The following PPIL3 variants were observed in gnomAD, a reference collection of about 807,000 sequenced individuals.
PPIL3 encodes the protein peptidyl-prolyl cis-trans isomerase-like 3.
Under a neutral mutation model 20.9 loss-of-function variants are expected in PPIL3, and 13 were observed. The observed-to-expected ratio is 0.62, with a 90% CI of 0.40 to 0.99. The LOEUF (loss-of-function observed/expected upper bound fraction) is 0.99, where lower values mean the gene tolerates loss of function less well. Among genes scored for constraint, PPIL3 ranks in the 50% least tolerant of loss-of-function variants. The probability of loss-of-function intolerance (pLI) is 0.00; values close to 1 mark genes in which losing one functional copy is unlikely to be tolerated. For synonymous variants in PPIL3, 71 were observed against 64.4 expected (o/e 1.10, Z -0.49); for missense variants, 170 against 195.2 (o/e 0.87, Z 0.77).
chr2:200,882,386 T>A lies in PPIL3; in HGVS notation c.128A>T (p.His43Leu). 1 of 1,608,668 alleles carries A rather than the reference T, an allele frequency of 6.2e-7. No homozygotes were observed. The highest frequency in any genetic ancestry group is 1.7e-5 in the Admixed American group (1 of 60,000). The change falls in exon 4 of 7, where the codon CAT becomes CTT. Residue 43 changes from histidine to leucine, a missense_variant. Transcript: ENST00000392283. ...ASNYYNGCIF[H>L]RNIKGFMVQT... ...AACCATGAAACCCTTGATATTCCTA[T>A]GAAATATACAGCCATTGTAGTAATT... is the stretch of plus-strand genomic sequence containing the variant.
intron 4 of PPIL3, 26 bp downstream of exon 4, chr2:200,882,316 A>G (rs760944040): frequency 7.1e-7 from 1 of 1,399,456 alleles, no homozygotes; most frequent in Non-Finnish European, 1.0e-6. Context: ...TCAGTTCCTT[A>G]GATCTTGGTT....
intron 2 of PPIL3, among the ~76,000 whole-genome samples, chr2:200,886,583 A>AC (rs1375434581): frequency 6.6e-6 from 1 of 151,902 alleles, no homozygotes; most frequent in African/African-American, 2.4e-5. Flanking sequence ...ATGCCACAAC[A>AC]CCCAGATAAT....
chr2:200,881,280 C>T, intron 5 of PPIL3, 141 bp downstream of exon 5: 1 of 644,406 alleles, frequency 1.6e-6, no homozygotes, highest in Non-Finnish European at 2.6e-6. Flanking sequence ...TCCCCGACAT[C>T]ATTTGTCAAA....
Position 200,882,305 on chromosome 2 carries a change from T to C in PPIL3, c.172+37A>G, listed in dbSNP as rs578010262. 523 of 1,303,188 alleles carry C rather than the reference T, an allele frequency of 4.0e-4. 5 individuals carry two copies. The South Asian group carries it at 5.4e-3, about 13-fold the overall frequency. 80.7% of individuals were successfully genotyped at this position (1,303,188 alleles called of 1,614,324 possible). Reference sequence around the variant, plus strand: ...TTTACCCACTTCTTCATACTATACATTCAGTTCCTTAGATCTTGGTTAATG... The same window carrying C: ...TTTACCCACTTCTTCATACTATACACTCAGTTCCTTAGATCTTGGTTAATG... On this transcript the variant is annotated intron_variant, in intron 4 of 6. Transcript: ENST00000392283.
At chr2:200,878,785 T>C (rs1305104922) in intron 5 of PPIL3, among the ~76,000 whole-genome samples, 2 of 152,250 alleles carry the variant, frequency 1.3e-5, no homozygotes, top group Admixed American at 1.3e-4. Context: ...TGGGAAATGC[T>C]TTCTACAAAT....
At chr2:200,881,399 T>A in intron 5 of PPIL3, 22 bp downstream of exon 5, 2 of 1,590,152 alleles carry the variant, frequency 1.3e-6, no homozygotes, top group Non-Finnish European at 1.7e-6. Context: ...AGAAATAGAT[T>A]TTTAAAGCAT....
intron 2 of PPIL3, among the ~76,000 whole-genome samples, chr2:200,886,662 G>C (rs2039947892): frequency 6.6e-6 from 1 of 152,172 alleles, no homozygotes; most frequent in African/African-American, 2.4e-5. Context: ...CTGACCTCAA[G>C]TGATTGGCCC....
At chr2:200,888,054 CAAA>C (rs59288201) in intron 1 of PPIL3, among the ~76,000 whole-genome samples, 25 of 103,058 alleles carry the variant, frequency 2.4e-4, no homozygotes, top group African/African-American at 4.0e-4. Flanking sequence ...GAGACTCCGT[CAAA>C]AAAAAAAAAA....
chr2:200,887,045 C>G (rs370963625), intron 2 of PPIL3: 1 of 152,320 alleles, frequency 6.6e-6, no homozygotes, highest in African/African-American at 2.4e-5. Context: ...TCCTTCAACT[C>G]TCCCTTTCCA....
At chr2:200,875,356 C>G (rs2039470034) in intron 6 of PPIL3, among the ~76,000 whole-genome samples, 2 of 152,024 alleles carry the variant, frequency 1.3e-5, no homozygotes, top group African/African-American at 2.4e-5. Flanking sequence ...CAATCTCCAC[C>G]TCCAGGGTTC....
intron 3 of PPIL3, among the ~76,000 whole-genome samples, chr2:200,884,508 T>C (rs1226326004): frequency 6.6e-6 from 1 of 151,962 alleles, no homozygotes; most frequent in Non-Finnish European, 1.5e-5. Context: ...GAAGCTGAGA[T>C]GGGACGATGG....
At chr2:200,883,663 T>C (rs745523310) in intron 3 of PPIL3, among the ~76,000 whole-genome samples, 5 of 152,298 alleles carry the variant, frequency 3.3e-5, no homozygotes, top group South Asian at 4.1e-4. Flanking sequence ...GCCCTGCTTA[T>C]TTTTACAACT....
At chr2:200,882,848 C>T (rs552688634) in intron 3 of PPIL3, among the ~76,000 whole-genome samples, 4 of 149,494 alleles carry the variant, frequency 2.7e-5, no homozygotes, top group East Asian at 3.9e-4. Context: ...TGCAGTGAGC[C>T]GAGATCGCAC....
chr2:200,886,839 T>C (rs2039954545), intron 2 of PPIL3: 1 of 152,156 alleles, frequency 6.6e-6, no homozygotes, highest in Non-Finnish European at 1.5e-5. Flanking sequence ...AATTGTTTTT[T>C]TAAAAGTAGA....
intron 3 of PPIL3, among the ~76,000 whole-genome samples, chr2:200,884,535 C>T (rs1021349179): frequency 1.3e-5 from 2 of 151,566 alleles, no homozygotes; most frequent in African/African-American, 2.4e-5. Context: ...ACCAGGAGTT[C>T]GAGACCAAGT....
rs2040093341 is a variant in PPIL3 at position 200,889,020 on chromosome 2, C to T, written c.-135G>A. ...ACAGGAAAAATGCAATCGCAGATGC[C>T]AGCAGAGGTCTGTTGGTTCAAAATT... is the stretch of plus-strand genomic sequence containing the variant. On this transcript the variant is annotated 5_prime_UTR_variant, in exon 1 of 7. Coordinates refer to ENST00000392283, the MANE Select transcript of PPIL3 (RefSeq NM_130906.3). The T allele has an allele frequency of 2.1e-6, 1 of 471,186 alleles. No homozygotes were observed. Among genetic ancestry groups the T allele is most frequent in the Non-Finnish European group, 4.4e-6 (1 of 227,074 alleles). The allele number at this position is 471,186 out of a possible 1,614,324, so 29.2% of individuals were successfully genotyped here.
chr2:200,885,199 T>C (rs572663304), intron 3 of PPIL3: 110 of 196,028 alleles, frequency 5.6e-4, no homozygotes, highest in Middle Eastern at 2.0e-3. Context: ...GGTGAAACCC[T>C]GTCTCTACTA....
intron 2 of PPIL3, 54 bp from the exon 3 acceptor site, chr2:200,885,826 G>T: frequency 1.8e-6 from 2 of 1,099,796 alleles, no homozygotes; most frequent in Non-Finnish European, 2.7e-6. Context: ...GTGACTTTAT[G>T]CATTGTTTAT....
At chr2:200,883,112 C>CTTTTTT (rs1289951586) in intron 3 of PPIL3, among the ~76,000 whole-genome samples, 31 of 108,818 alleles carry the variant, frequency 2.8e-4, no homozygotes, top group East Asian at 5.5e-4. Flanking sequence ...CTGGAATGTT[C>CTTTTTT]TTTTTTTTTT....
Sources: gnomAD v4.1 joint callset for allele counts (sites outside exome capture counted in the v4.1 genomes callset) on GRCh38, gnomAD v4.1.1 for gene constraint, MANE v1.5 for transcripts, NCBI Gene and HGNC (gene_info 2026-07-23, HGNC 2026-07-21) for gene names.